The following ZCCHC2 variants were observed in gnomAD, a reference collection of about 807,000 sequenced individuals.
The protein encoded by ZCCHC2 is zinc finger CCHC domain-containing protein 2.
A neutral mutation model predicts 103.6 loss-of-function variants in ZCCHC2; 39 were observed. That is an observed-to-expected ratio of 0.38 (90% CI 0.29 to 0.49). ZCCHC2 has a LOEUF of 0.49. Among genes scored for constraint, ZCCHC2 ranks in the 20% least tolerant of loss-of-function variants. The pLI is 0.96. For missense variants in ZCCHC2, 1,483 were observed against 1,491.0 expected (o/e 0.99, Z 0.09); for synonymous variants, 687 against 608.9 (o/e 1.13, Z -1.89).
chr18:62,562,259 C>T (rs28634301), intron 8 of ZCCHC2, among the ~76,000 whole-genome samples: 18,973 of 152,152 alleles, frequency 0.12, 1,497 homozygotes, highest in African/African-American at 0.22. Flanking sequence ...ACCTCAGCCT[C>T]CCAAAGTGCT....
chr18:62,566,933 T>C (rs1416763733), intron 11 of ZCCHC2, among the ~76,000 whole-genome samples: 1 of 152,252 alleles, frequency 6.6e-6, no homozygotes, highest in African/African-American at 2.4e-5. Context: ...ATACATTGTA[T>C]AGGTTATTAA....
intron 1 of ZCCHC2, chr18:62,525,008 T>C (rs923288470): frequency 6.6e-6 from 1 of 152,336 alleles, no homozygotes; most frequent in Non-Finnish European, 1.5e-5. Context: ...CGTAGAGACC[T>C]GCGAATGGAT....
At chr18:62,545,152 A>G (rs991807026) in intron 4 of ZCCHC2, among the ~76,000 whole-genome samples, 2 of 152,170 alleles carry the variant, frequency 1.3e-5, no homozygotes, top group East Asian at 1.9e-4. Flanking sequence ...TTGGGAGGCC[A>G]AGGCGGGAGG....
chr18:62,565,060 T>C lies in ZCCHC2; in HGVS notation c.1810T>C (p.Ser604Pro), dbSNP rs375909728. The change falls in exon 11 of 14, where the codon TCC becomes CCC. Residue 604 changes from serine (S) to proline (P), a missense_variant. By Grantham distance (74) the Ser-to-Pro change is moderately conservative. Coordinates refer to ENST00000269499, the MANE Select transcript of ZCCHC2 (RefSeq NM_017742.6). ...TAGTAGAATAAATGGTATTAGACTC[T>C]CCACTCCTCAGCATGCCCATGGTGG... ...LNSRINGIRL[S>P]TPQHAHGGTV... The C allele has an allele frequency of 8.7e-6, 14 of 1,613,550 alleles. No individual in the cohort carries two copies. In the African/African-American group the frequency reaches 1.7e-4, roughly 20 times the overall value.
rs576095130 is a variant in ZCCHC2 at position 62,561,423 on chromosome 18, C to A, written c.1550+779C>A. ...CCATAAAACCGTCTGTGATTTCTTA[C>A]TCATACCACATTAGCGCTGTGCTCC... On this transcript the variant is annotated intron_variant, in intron 8 of 13. Coordinates refer to ENST00000269499, the MANE Select transcript of ZCCHC2 (RefSeq NM_017742.6). Among the ~76,000 whole-genome samples, 127 of 152,344 alleles carry A rather than the reference C, an allele frequency of 8.3e-4. 1 individual carries two copies. Among genetic ancestry groups the A allele is most frequent in the African/African-American group, 3.0e-3 (125 of 41,588 alleles).
intron 1 of ZCCHC2, among the ~76,000 whole-genome samples, chr18:62,528,598 G>GC (rs1398890426): frequency 3.2e-4 from 27 of 85,174 alleles, no homozygotes; most frequent in Admixed American, 1.6e-3. Flanking sequence ...GACTGTCTCG[G>GC]GAAAAAAAAA....
At chr18:62,532,091 TCCAGTGGGAG>T (rs1914703821) in intron 1 of ZCCHC2, among the ~76,000 whole-genome samples, 1 of 152,218 alleles carries the variant, frequency 6.6e-6, no homozygotes, top group Non-Finnish European at 1.5e-5. Context: ...GTCAGTAGGT[TCCAGTGGGAG>T]CCAGTGAAGG....
chr18:62,569,224 A>C (rs1043564641), intron 11 of ZCCHC2, among the ~76,000 whole-genome samples: 1 of 152,214 alleles, frequency 6.6e-6, no homozygotes, highest in Non-Finnish European at 1.5e-5. Context: ...CCCAGCCAAA[A>C]CCACAAGTCA....
At chr18:62,527,351 G>A (rs1046112131) in intron 1 of ZCCHC2, among the ~76,000 whole-genome samples, 18 of 152,056 alleles carry the variant, frequency 1.2e-4, no homozygotes, top group Non-Finnish European at 2.5e-4. Flanking sequence ...AAGTTGACTG[G>A]GCCCAGCAAC....
At chr18:62,531,745 G>C (rs1469526224) in intron 1 of ZCCHC2, among the ~76,000 whole-genome samples, 2 of 145,556 alleles carry the variant, frequency 1.4e-5, no homozygotes, top group African/African-American at 5.1e-5. Flanking sequence ...CCAGGAGTTT[G>C]AAGCCAACTC....
chr18:62,572,121 G>T lies in ZCCHC2; in HGVS notation c.1975+1890G>T, dbSNP rs574967191. On this transcript the variant is annotated intron_variant, in intron 12 of 13. Transcript: ENST00000269499. ...TTATGAGACAGGGTCTTGCTGTGTT[G>T]CCCAGGCTGGTCTTGAACTCCTGGG... is the stretch of plus-strand genomic sequence containing the variant. 6.6e-5 allele frequency among the ~76,000 whole-genome samples: 10 copies of T among 152,140 alleles called. No homozygotes were observed. In the East Asian group the frequency reaches 1.9e-3, roughly 29 times the overall value.
intron 14 of ZCCHC2, among the ~76,000 whole-genome samples, chr18:62,584,197 A>G (rs1022049899): frequency 2.6e-5 from 4 of 152,144 alleles, no homozygotes; most frequent in Admixed American, 6.5e-5. Flanking sequence ...ATGTTTATCA[A>G]TTGTGGAAGC....
At chr18:62,560,779 GT>G in intron 8 of ZCCHC2, 135 bp downstream of exon 8, 3 of 688,198 alleles carry the variant, frequency 4.4e-6, no homozygotes, top group East Asian at 3.0e-5. Flanking sequence ...CACTTTTTCT[GT>G]TTCCTTTTCT....
At chr18:62,541,474 T>C (rs1158458866) in intron 2 of ZCCHC2, among the ~76,000 whole-genome samples, 1 of 152,214 alleles carries the variant, frequency 6.6e-6, no homozygotes, top group Non-Finnish European at 1.5e-5. Context: ...CCACTTTGTC[T>C]ATTTTAACTT....
chr18:62,574,703 A>G lies in ZCCHC2; in HGVS notation c.2622A>G (p.Gln874=), dbSNP rs753877505. 2 of 1,614,002 alleles carry G rather than the reference A, an allele frequency of 1.2e-6. No homozygotes were observed. The highest frequency in any genetic ancestry group is 1.7e-6 in the Non-Finnish European group (2 of 1,179,890). The stretch of plus-strand genomic sequence containing the variant: ...ACCCCATCACAAAATCTGCATCCCA[A>G]GTGGTAGGACTCAATCAAATGGTGC... The part of the protein sequence containing the change: ...TTDPITKSAS[Q]VVGLNQMVPQ... The change falls in exon 13 of 14, where the codon CAA becomes CAG. Residue 874 remains glutamine, a synonymous_variant. Transcript: ENST00000269499.
chr18:62,567,795 A>C (rs1916428697), intron 11 of ZCCHC2, among the ~76,000 whole-genome samples: 2 of 151,824 alleles, frequency 1.3e-5, no homozygotes, highest in Non-Finnish European at 2.9e-5. Context: ...AAATATAAAA[A>C]TTAGCCAGAT....
chr18:62,523,385 G>T lies in ZCCHC2; in HGVS notation c.-40G>T. ...CGTGCTCCACCTCGCGGCCCCTCCC[G>T]CCCGCCCCCGCTCGCATGTCTGCGC... On this transcript the variant is annotated 5_prime_UTR_variant, in exon 1 of 14. Transcript: ENST00000269499. 5.7e-6 allele frequency: 1 copy of T among 174,554 alleles called. No individual in the cohort carries two copies. The highest frequency in any genetic ancestry group is 7.5e-6 in the Non-Finnish European group (1 of 134,118). 10.8% of individuals were successfully genotyped at this position (174,554 alleles called of 1,614,324 possible).
chr18:62,582,895 A>G (rs1349041850), downstream of ZCCHC2, among the ~76,000 whole-genome samples: 1 of 152,210 alleles, frequency 6.6e-6, no homozygotes, highest in Non-Finnish European at 1.5e-5. Flanking sequence ...CTTGAGCCCA[A>G]GAATTCAAGA....
chr18:62,524,014 A>C lies in ZCCHC2; in HGVS notation c.590A>C (p.Gln197Pro). The change falls in exon 1 of 14, where the codon CAG becomes CCG. Residue 197 changes from glutamine (Q) to proline (P), a missense_variant. Coordinates refer to ENST00000269499, the MANE Select transcript of ZCCHC2 (RefSeq NM_017742.6). ...AAGRLHRLLP[Q>P]VDSVLKSLRA... The stretch of plus-strand genomic sequence containing the variant: ...GGCCGTCTGCACCGCCTGCTACCCC[A>C]GGTGGACTCGGTGCTCAAAAGCCTG... 1 of 1,480,886 alleles carries C rather than the reference A, an allele frequency of 6.8e-7. No homozygotes were observed. 91.7% of individuals were successfully genotyped at this position (1,480,886 alleles called of 1,614,324 possible).
Sources: allele counts gnomAD v4.1 joint callset (sites outside exome capture counted in the v4.1 genomes callset), GRCh38; gene constraint gnomAD v4.1.1; transcripts MANE v1.5; gene names NCBI Gene and HGNC (gene_info 2026-07-23, HGNC 2026-07-21).